AKIP1: variants seen among roughly 807,000 people sequenced by gnomAD.
The protein encoded by AKIP1 is A-kinase-interacting protein 1.
AKIP1 carries 18 observed loss-of-function variants against 22.3 expected under a neutral mutation model. The observed-to-expected ratio is 0.81, with a 90% CI of 0.56 to 1.19. The LOEUF is 1.19. AKIP1 is among the 50% of genes most tolerant of loss of function. The probability of loss-of-function intolerance (pLI) is 0.00; values close to 1 mark genes in which losing one functional copy is unlikely to be tolerated. For synonymous variants in AKIP1, 120 were observed against 102.7 expected, an observed-to-expected ratio of 1.17 and a Z score of -1.02; for missense variants, 287 against 264.6, an observed-to-expected ratio of 1.08 and a Z score of -0.59.
chr11:8,916,652 G>C (rs2064490314), intron 4 of AKIP1, among the ~76,000 whole-genome samples: 1 of 152,204 alleles, frequency 6.6e-6, no homozygotes, highest in Non-Finnish European at 1.5e-5. Context: ...AGCAAGGGCT[G>C]AGTGCACACT....
chr11:8,913,448 A>G (rs1184737811), intron 3 of AKIP1, among the ~76,000 whole-genome samples: 1 of 152,140 alleles, frequency 6.6e-6, no homozygotes, highest in Admixed American at 6.5e-5. Flanking sequence ...TTGGCCTCCC[A>G]AAGTGCTGGG....
chr11:8,911,547 A>T lies in AKIP1; in HGVS notation c.98A>T (p.Lys33Met). The T allele has an allele frequency of 6.2e-7, 1 of 1,611,306 alleles. No individual in the cohort carries two copies. Among genetic ancestry groups the T allele is most frequent in the Non-Finnish European group, 8.5e-7 (1 of 1,179,028 alleles). The change falls in exon 2 of 6, where the codon AAG becomes ATG. Residue 33 changes from lysine (K) to methionine (M), a missense_variant. Lys to Met is a moderately conservative substitution (Grantham distance 95). Coordinates refer to ENST00000309377, the MANE Select transcript of AKIP1 (RefSeq NM_020642.4). ...RLALEVLERA[K>M]RRAVDWHALE... ...GCTCTAGAAGTGCTGGAGAGGGCCAAGAGGAGGGCGGTGGACTGGCATGCC... is the reference window on the plus strand; with the variant it reads ...GCTCTAGAAGTGCTGGAGAGGGCCATGAGGAGGGCGGTGGACTGGCATGCC...
At chr11:8,917,187 C>T in intron 4 of AKIP1, 100 bp from the exon 5 acceptor site, 2 of 706,530 alleles carry the variant, frequency 2.8e-6, no homozygotes, top group African/African-American at 3.5e-5. Context: ...AAAAAGCTGA[C>T]AGAACAATTA....
At chr11:8,915,358 CTTTTTTTTTTTT>C (rs559350653) in intron 4 of AKIP1, among the ~76,000 whole-genome samples, 2,890 of 84,198 alleles carry the variant, frequency 0.034, 58 homozygotes, top group Middle Eastern at 0.07. Context: ...TTTTTTTTTT[CTTTTTTTTTTTT>C]TTTTTTTTTT....
intron 4 of AKIP1, among the ~76,000 whole-genome samples, chr11:8,916,671 C>T (rs1312178813): frequency 6.6e-6 from 1 of 152,208 alleles, no homozygotes; most frequent in Non-Finnish European, 1.5e-5. Context: ...CTCGAAGCAC[C>T]TCCCACATGC....
In AKIP1 at chr11:8,919,344, A is replaced by T; in HGVS notation, c.497A>T (p.Asn166Ile). 6.2e-7 allele frequency: 1 copy of T among 1,612,262 alleles called. No homozygotes were observed. The highest frequency in any genetic ancestry group is 1.3e-5 in the African/African-American group (1 of 74,916). ...HAPEASQPAE[N>I]ISKDLYIEVY... ...ATCCTCTTTTCCTTCTAGGCTGAGA[A>T]CATCTCTAAGGACCTCTACATAGAA... Residue 166 changes from asparagine (N) to isoleucine (I), a missense_variant, in exon 6 of 6, where the codon AAC becomes ATC. Asn to Ile is a moderately radical substitution (Grantham distance 149). Transcript: ENST00000309377.
chr11:8,919,444 T>C lies in AKIP1; in HGVS notation c.597T>C (p.Asp199=), dbSNP rs767160858. ...AGAAGACTCATGTGGTAGCAGTTGA[T>C]TCTGGACAAAGCGTGGACCTGGTCT... is the stretch of plus-strand genomic sequence containing the variant. ...LTKKTHVVAV[D]SGQSVDLVFP... Residue 199 remains aspartate (D), a synonymous_variant, in exon 6 of 6, where the codon GAT becomes GAC. Coordinates refer to ENST00000309377, the MANE Select transcript of AKIP1 (RefSeq NM_020642.4). 3 of 1,614,088 alleles carry C rather than the reference T, an allele frequency of 1.9e-6. No homozygotes were observed. The highest frequency in any genetic ancestry group is 4.5e-5 in the East Asian group (2 of 44,906).
intron 3 of AKIP1, among the ~76,000 whole-genome samples, chr11:8,912,938 G>A (rs750939631): frequency 2.9e-5 from 4 of 139,544 alleles, no homozygotes; most frequent in Non-Finnish European, 4.5e-5. Flanking sequence ...GCAGTGGTGT[G>A]ATCTCGGCTC....
At chr11:8,913,048 T>C (rs1193453249) in intron 3 of AKIP1, among the ~76,000 whole-genome samples, 2 of 150,034 alleles carry the variant, frequency 1.3e-5, no homozygotes, top group Non-Finnish European at 3.0e-5. Context: ...CTAATTTTTT[T>C]TTTTGTATTT....
intron 4 of AKIP1, among the ~76,000 whole-genome samples, chr11:8,915,692 G>A (rs900995650): frequency 4.7e-5 from 7 of 149,904 alleles, no homozygotes; most frequent in Non-Finnish European, 8.9e-5. Flanking sequence ...AAGGTGGAGT[G>A]CAGTGGTGCG....
chr11:8,917,838 T>C (rs1566107256), intron 5 of AKIP1: 1 of 188,984 alleles, frequency 5.3e-6, no homozygotes, highest in Non-Finnish European at 1.1e-5. Flanking sequence ...TAAAAACATA[T>C]AATGAGTTTT....
chr11:8,919,207 C>G (rs1242230030), intron 5 of AKIP1, 130 bp from the exon 6 acceptor site: 2 of 848,380 alleles, frequency 2.4e-6, no homozygotes, highest in East Asian at 2.5e-5. Flanking sequence ...GCCTTGAAAG[C>G]AGGACCTCTG....
At chr11:8,912,836 T>C (rs1461231448) in intron 3 of AKIP1, among the ~76,000 whole-genome samples, 1 of 149,986 alleles carries the variant, frequency 6.7e-6, no homozygotes, top group Non-Finnish European at 1.5e-5. Flanking sequence ...CCGAATTTCA[T>C]AGCAAATAAG....
intron 5 of AKIP1, among the ~76,000 whole-genome samples, chr11:8,918,639 C>T (rs2134820386): frequency 6.6e-6 from 1 of 152,126 alleles, no homozygotes; most frequent in East Asian, 1.9e-4. Context: ...GAACTGAGAC[C>T]CATCCTCTGC....
At chr11:8,914,250 CAA>C (rs934526730) in intron 3 of AKIP1, among the ~76,000 whole-genome samples, 3 of 152,196 alleles carry the variant, frequency 2.0e-5, no homozygotes, top group East Asian at 1.9e-4. Context: ...AGGAAGCAGA[CAA>C]GAGAAATGTA....
At position 8,911,214 on chromosome 11, in the gene AKIP1, AGTGAGCCGG is replaced by A. The variant is rs1258350716; in HGVS notation, c.-10_-7+5del. The A allele has an allele frequency of 1.8e-6, 1 of 542,230 alleles. No homozygotes were observed. 33.6% of individuals were successfully genotyped at this position (542,230 alleles called of 1,614,324 possible). ...AGCGTTGCGCGCATGCGCCTTGACGAGTGAGCCGGGTGAGGGGGCTCCCTAAGTAGCGGA... is the reference window on the plus strand; with the variant it reads ...AGCGTTGCGCGCATGCGCCTTGACGAGTGAGGGGGCTCCCTAAGTAGCGGA... On this transcript the variant is annotated splice_region_variant and 5_prime_UTR_variant, in exon 1 of 6. The change abolishes the stop of an existing upstream ORF in the 5' untranslated region. Coordinates refer to ENST00000309377, the MANE Select transcript of AKIP1 (RefSeq NM_020642.4).
rs752513135 is a variant in AKIP1, at chr11:8,919,446, C to G, written c.599C>G (p.Ser200Cys). The stretch of plus-strand genomic sequence containing the variant: ...AAGACTCATGTGGTAGCAGTTGATT[C>G]TGGACAAAGCGTGGACCTGGTCTTC... Reference protein sequence around the residue: ...TKKTHVVAVDSGQSVDLVFPV With the variant: ...TKKTHVVAVDCGQSVDLVFPV Residue 200 changes from serine to cysteine, a missense_variant, in exon 6 of 6, where the codon TCT becomes TGT. By Grantham distance (112) the Ser-to-Cys change is moderately radical. Coordinates refer to ENST00000309377, the MANE Select transcript of AKIP1 (RefSeq NM_020642.4). The G allele has an allele frequency of 6.2e-7, 1 of 1,614,222 alleles. No homozygotes were observed. The highest frequency in any genetic ancestry group is 8.5e-7 in the Non-Finnish European group (1 of 1,180,044).
At chr11:8,916,967 C>T (rs1471235373) in intron 4 of AKIP1, among the ~76,000 whole-genome samples, 2 of 152,164 alleles carry the variant, frequency 1.3e-5, no homozygotes, top group East Asian at 3.9e-4. Flanking sequence ...TTTAAATTTT[C>T]CCTGCAATCC....
At position 8,919,705 on chromosome 11, in the gene AKIP1, C is replaced by A. The variant is rs1001874920; in HGVS notation, c.*225C>A. 2 of 430,914 alleles carry A rather than the reference C, an allele frequency of 4.6e-6. No homozygotes were observed. The highest frequency in any genetic ancestry group is 4.2e-5 in the East Asian group (1 of 23,588). 26.7% of individuals were successfully genotyped at this position (430,914 alleles called of 1,614,324 possible). ...AGGCTGGAGTGCAGTGGCGTGATCT[C>A]GGCTCACTGCAAGTTCCGCCTCCCG... On this transcript the variant is annotated 3_prime_UTR_variant, in exon 6 of 6. Transcript: ENST00000309377.
Sources: allele counts gnomAD v4.1 joint callset (sites outside exome capture counted in the v4.1 genomes callset), GRCh38; gene constraint gnomAD v4.1.1; transcripts MANE v1.5; gene names NCBI Gene and HGNC (gene_info 2026-07-23, HGNC 2026-07-21).